GC: variants seen among roughly 807,000 people sequenced by gnomAD.
The protein encoded by GC is GC vitamin D binding protein.
GC carries 43 observed loss-of-function variants against 56.7 expected under a neutral mutation model. The observed-to-expected ratio is 0.76, with a 90% CI of 0.59 to 0.98. The LOEUF is 0.98. GC is among the 50% of genes least tolerant of loss of function. GC has a pLI of 0.00. For missense variants in GC, 529 were observed against 545.9 expected, an observed-to-expected ratio of 0.97 and a Z score of 0.31; for synonymous variants, 216 against 202.7, an observed-to-expected ratio of 1.07 and a Z score of -0.56.
At chr4:71,796,162 G>A (rs1743098478) in intron 1 of GC, among the ~76,000 whole-genome samples, 1 of 152,180 alleles carries the variant, frequency 6.6e-6, no homozygotes, top group African/African-American at 2.4e-5. Context: ...TTCTTGAGGA[G>A]TATCTTTGCA....
At chr4:71,763,380 A>G in intron 6 of GC, 28 bp downstream of exon 6, 1 of 1,210,808 alleles carries the variant, frequency 8.3e-7, no homozygotes, top group Non-Finnish European at 1.2e-6. Context: ...CCAAACATCT[A>G]AATATGACAA....
chr4:71,758,538 GTGTGTTTTATAAATTCTTT>G (rs1334697951), intron 6 of GC, among the ~76,000 whole-genome samples: 2 of 152,158 alleles, frequency 1.3e-5, no homozygotes, highest in East Asian at 3.9e-4. Context: ...AGTTGTAAAA[GTGTGTTTTATAAATTCTTT>G]TAGAAACTAT....
chr4:71,776,498 G>A, intron 1 of GC, among the ~76,000 whole-genome samples: 1 of 151,894 alleles, frequency 6.6e-6, no homozygotes, highest in Non-Finnish European at 1.5e-5. Flanking sequence ...AGGCTGCAGG[G>A]AGAAGAGGAG....
At chr4:71,774,445 T>C (rs1413629546) in intron 1 of GC, among the ~76,000 whole-genome samples, 2 of 151,904 alleles carry the variant, frequency 1.3e-5, no homozygotes, top group Non-Finnish European at 2.9e-5. Context: ...ATCCCACCTC[T>C]CTTTCCTTTT....
upstream of GC, among the ~76,000 whole-genome samples, chr4:71,785,249 T>G (rs537752282): frequency 6.6e-6 from 1 of 151,868 alleles, no homozygotes; most frequent in African/African-American, 2.4e-5. Context: ...TAATGTCACC[T>G]ATTACTCTTA....
intron 1 of GC, among the ~76,000 whole-genome samples, chr4:71,790,428 T>A (rs556342672): frequency 6.6e-6 from 1 of 152,166 alleles, no homozygotes; most frequent in Non-Finnish European, 1.5e-5. Context: ...TTCAAACATC[T>A]TGCTTGTTTT....
chr4:71,761,552 TG>T (rs1741975132), intron 6 of GC, among the ~76,000 whole-genome samples: 1 of 152,034 alleles, frequency 6.6e-6, no homozygotes, highest in African/African-American at 2.4e-5. Flanking sequence ...CCCAATACAA[TG>T]GGGGAAAATG....
chr4:71,786,010 TAC>T (rs1199033779), upstream of GC: 2 of 151,988 alleles, frequency 1.3e-5, no homozygotes, highest in East Asian at 3.9e-4. Context: ...CGAATTTTGA[TAC>T]AGAGTTTAAG....
chr4:71,784,287 C>T (rs938196933), upstream of GC: 5 of 1,145,464 alleles, frequency 4.4e-6, no homozygotes, highest in African/African-American at 1.6e-5. Flanking sequence ...TAATCATTAA[C>T]TTTGTCAAAC....
intron 11 of GC, among the ~76,000 whole-genome samples, chr4:71,749,685 A>G (rs1166816226): frequency 1.3e-5 from 2 of 152,182 alleles, no homozygotes; most frequent in Non-Finnish European, 2.9e-5. Flanking sequence ...CAATTTAATT[A>G]ATTATTTTAT....
intron 1 of GC, among the ~76,000 whole-genome samples, chr4:71,792,972 GA>G (rs1743008417): frequency 6.6e-6 from 1 of 151,968 alleles, no homozygotes; most frequent in Non-Finnish European, 1.5e-5. Context: ...GATGGTTGTA[GA>G]TGGGTGGTGT....
At chr4:71,756,981 C>A (rs773945489) in intron 7 of GC, 67 bp from the exon 8 acceptor site, 2 of 1,050,072 alleles carry the variant, frequency 1.9e-6, no homozygotes, top group Non-Finnish European at 2.9e-6. Context: ...ATAAGAATTA[C>A]ATAGGCTTAC....
At chr4:71,770,427 G>T (rs1174807465) in intron 1 of GC, among the ~76,000 whole-genome samples, 2 of 152,158 alleles carry the variant, frequency 1.3e-5, no homozygotes, top group South Asian at 4.1e-4. Context: ...GAGTCTTAAG[G>T]TGCCAGCTGC....
chr4:71,781,728 A>G (rs1020383409), intron 1 of GC, among the ~76,000 whole-genome samples: 1 of 151,830 alleles, frequency 6.6e-6, no homozygotes, highest in African/African-American at 2.4e-5. Context: ...GTTGCTTTTC[A>G]TAGGGTAGCA....
intron 12 of GC, among the ~76,000 whole-genome samples, chr4:71,743,248 C>T (rs1741247647): frequency 1.3e-5 from 2 of 152,152 alleles, no homozygotes; most frequent in Non-Finnish European, 2.9e-5. Context: ...AGTCAAATCT[C>T]TAACTAGAGA....
At chr4:71,781,321 C>T (rs1271465242) in intron 1 of GC, among the ~76,000 whole-genome samples, 3 of 151,432 alleles carry the variant, frequency 2.0e-5, no homozygotes, top group African/African-American at 4.9e-5. Flanking sequence ...ACCAACATGG[C>T]ACATGTATAC....
At position 71,763,435 on chromosome 4, in the gene GC, G is replaced by T; in HGVS notation, c.674C>A (p.Ala225Asp). Residue 225 changes from alanine (A) to aspartate (D), a missense_variant, in exon 6 of 13, where the codon GCT becomes GAT. Physicochemically the swap from Ala to Asp is moderately radical, Grantham distance 126 (BLOSUM62 -2). Transcript: ENST00000273951. ...LSNRVCSQYA[A>D]YGEKKSRLSN... ...GAGCCTTGATTTCTTCTCCCCATAA[G>T]CAGCATATTGTGAGCAGACTCTATT... 6.3e-7 allele frequency: 1 copy of T among 1,599,424 alleles called. No homozygotes were observed. Among genetic ancestry groups the T allele is most frequent in the Non-Finnish European group, 8.6e-7 (1 of 1,167,104 alleles).
intron 4 of GC, among the ~76,000 whole-genome samples, chr4:71,765,201 A>G (rs985607297): frequency 3.3e-5 from 5 of 152,222 alleles, no homozygotes; most frequent in Non-Finnish European, 7.3e-5. Context: ...ATTCTGGTTC[A>G]GATAATAGGA....
intron 1 of GC, among the ~76,000 whole-genome samples, chr4:71,803,111 C>A (rs1327345508): frequency 6.6e-6 from 1 of 152,128 alleles, no homozygotes; most frequent in Non-Finnish European, 1.5e-5. Context: ...TATGCTTATA[C>A]CACATGACTA....
Sources: gnomAD v4.1 joint callset for allele counts (sites outside exome capture counted in the v4.1 genomes callset) on GRCh38, gnomAD v4.1.1 for gene constraint, MANE v1.5 for transcripts, NCBI Gene and HGNC (gene_info 2026-07-23, HGNC 2026-07-21) for gene names.